ZFR: variants seen among roughly 807,000 people sequenced by gnomAD.
ZFR encodes the protein zinc finger RNA-binding protein.
In ZFR, 19 loss-of-function variants were observed where a neutral mutation model predicts 130.7. The ratio of observed to expected loss-of-function variants is 0.15; its 90% CI spans 0.10 to 0.21. The LOEUF (loss-of-function observed/expected upper bound fraction) is 0.21, where lower values mean the gene tolerates loss of function less well. ZFR is among the 10% of genes least tolerant of loss of function. The pLI is 1.00. For synonymous variants in ZFR, 466 were observed against 456.9 expected (o/e 1.02, Z -0.25); for missense variants, 872 against 1,321.5 (o/e 0.66, Z 5.27).
At chr5:32,391,280 G>A (rs574641687) in intron 11 of ZFR, among the ~76,000 whole-genome samples, 3 of 152,274 alleles carry the variant, frequency 2.0e-5, no homozygotes, top group Admixed American at 6.5e-5. Flanking sequence ...CATATACAGG[G>A]TTTGGTACAA....
intron 19 of ZFR, among the ~76,000 whole-genome samples, chr5:32,360,737 T>A (rs567866806): frequency 6.6e-6 from 1 of 152,358 alleles, no homozygotes; most frequent in Non-Finnish European, 1.5e-5. Flanking sequence ...TTTAACTTAC[T>A]GAGGAGCTGC....
At chr5:32,406,657 A>G (rs958316478) in intron 6 of ZFR, 117 bp downstream of exon 6, 14 of 1,349,310 alleles carry the variant, frequency 1.0e-5, no homozygotes, top group Non-Finnish European at 1.3e-5. Flanking sequence ...TAAAAAATGC[A>G]CTGGCTAAAA....
intron 7 of ZFR, 146 bp downstream of exon 7, chr5:32,403,760 A>T (rs746624467): frequency 8.9e-5 from 60 of 673,834 alleles, no homozygotes; most frequent in Non-Finnish European, 1.4e-4. Flanking sequence ...ATTTGATGTC[A>T]CCTTTATGTA....
intron 3 of ZFR, among the ~76,000 whole-genome samples, chr5:32,418,340 C>A (rs1035866696): frequency 6.6e-6 from 1 of 150,664 alleles, no homozygotes; most frequent in Non-Finnish European, 1.5e-5. Context: ...ATCACCAAAA[C>A]ATTTCTAAAT....
At chr5:32,378,327 G>A (rs1752868648) in intron 17 of ZFR, among the ~76,000 whole-genome samples, 1 of 152,094 alleles carries the variant, frequency 6.6e-6, no homozygotes, top group South Asian at 2.1e-4. Flanking sequence ...CCTTTTCAAA[G>A]AACTCTAAGA....
intron 3 of ZFR, 94 bp downstream of exon 3, chr5:32,419,727 C>G: frequency 6.7e-7 from 1 of 1,482,674 alleles, no homozygotes; most frequent in Non-Finnish European, 8.9e-7. Flanking sequence ...TTTGGAAGCC[C>G]CAAGTTTGAG....
chr5:32,403,197 C>T lies in ZFR; in HGVS notation c.1425G>A (p.Ser475=), dbSNP rs200869684. ...TAGTGTTAGATGTGCTATTAAGAGA[C>T]GAGTTTCCTGTAGTCGTAAGACCCT... The part of the protein sequence containing the change: ...SMKGLTTTGN[S]SLNSTSNTKV... Residue 475 remains serine (S), a synonymous_variant, in exon 8 of 20, where the codon TCG becomes TCA. Transcript: ENST00000265069. 18 of 1,614,028 alleles carry T rather than the reference C, an allele frequency of 1.1e-5. No individual in the cohort carries two copies. The highest frequency in any genetic ancestry group is 6.7e-5 in the East Asian group (3 of 44,886).
intron 5 of ZFR, among the ~76,000 whole-genome samples, chr5:32,414,274 A>G (rs919600884): frequency 1.3e-5 from 2 of 152,234 alleles, no homozygotes; most frequent in African/African-American, 2.4e-5. Flanking sequence ...GAGAAATAAA[A>G]GAGTGTCATT....
intron 15 of ZFR, among the ~76,000 whole-genome samples, chr5:32,383,490 C>A (rs1185638217): frequency 1.3e-5 from 2 of 152,198 alleles, no homozygotes; most frequent in African/African-American, 4.8e-5. Context: ...AACTGTCAAA[C>A]ACAGTATCAT....
At position 32,385,469 on chromosome 5, in the gene ZFR, A is replaced by C. The variant is rs1753023909; in HGVS notation, c.2641+39T>G. 6.9e-6 allele frequency: 11 copies of C among 1,602,842 alleles called. No homozygotes were observed. In the South Asian group the frequency reaches 1.2e-4, roughly 18 times the overall value. On this transcript the variant is annotated intron_variant, in intron 15 of 19. Transcript: ENST00000265069. ...CTTAAAGAGTAGATAAATGAAAAAA[A>C]AAGTTAATAGAAAGTAGAAAGTTTA...
At chr5:32,436,137 A>ATTT (rs1554075093) in intron 2 of ZFR, among the ~76,000 whole-genome samples, 1 of 68,486 alleles carries the variant, frequency 1.5e-5, no homozygotes, top group Non-Finnish European at 2.7e-5. Flanking sequence ...CCACAGTTGT[A>ATTT]TTCTTTTTTT....
chr5:32,379,367 A>G, intron 16 of ZFR, 157 bp from the exon 17 acceptor site: 1 of 697,704 alleles, frequency 1.4e-6, no homozygotes, highest in East Asian at 2.8e-5. Context: ...CATTTACAGC[A>G]GTATTTTATG....
chr5:32,433,322 A>G (rs978025764), intron 2 of ZFR, among the ~76,000 whole-genome samples: 3 of 152,214 alleles, frequency 2.0e-5, no homozygotes, highest in Admixed American at 1.3e-4. Flanking sequence ...AATTACAGTA[A>G]TTAAAAAATT....
chr5:32,368,842 A>G (rs1333816258), intron 17 of ZFR, among the ~76,000 whole-genome samples: 10 of 152,340 alleles, frequency 6.6e-5, no homozygotes, highest in African/African-American at 2.2e-4. Flanking sequence ...TATCATTCCC[A>G]TTTTACAAAT....
chr5:32,423,150 T>C lies in ZFR; in HGVS notation c.138-3047A>G, dbSNP rs541750931. Reference sequence around the variant, plus strand: ...GAGTTTGAGACCAGACTTGGCAACATAGTGAGACTCCATCACTACAAAAAA... The same window carrying C: ...GAGTTTGAGACCAGACTTGGCAACACAGTGAGACTCCATCACTACAAAAAA... On this transcript the variant is annotated intron_variant, in intron 2 of 19. Transcript: ENST00000265069. Among the ~76,000 whole-genome samples, 8 of 152,078 alleles carry C rather than the reference T, an allele frequency of 5.3e-5. 1 individual carries two copies. The South Asian group carries it at 1.2e-3, about 24-fold the overall frequency.
Position 32,371,367 on chromosome 5 carries a change from C to T in ZFR, c.2836-7092G>A, listed in dbSNP as rs150297202. Among the ~76,000 whole-genome samples the T allele has an allele frequency of 9.7e-4, 148 of 152,194 alleles. 1 individual carries two copies. The highest frequency in any genetic ancestry group is 1.2e-3 in the South Asian group (6 of 4,814). On this transcript the variant is annotated intron_variant, in intron 17 of 19. Coordinates refer to ENST00000265069, the MANE Select transcript of ZFR (RefSeq NM_016107.5). ...TTTAGATGACAGAGCAGGACCCTGTCTCAAAAACAAATGATAGAATATACA... is the reference window on the plus strand; with the variant it reads ...TTTAGATGACAGAGCAGGACCCTGTTTCAAAAACAAATGATAGAATATACA...
chr5:32,378,453 C>T (rs1295220381), intron 17 of ZFR, among the ~76,000 whole-genome samples: 2 of 152,090 alleles, frequency 1.3e-5, no homozygotes, highest in African/African-American at 4.8e-5. Flanking sequence ...TATTAACTCT[C>T]ATTAATTAAA....
chr5:32,416,423 C>A (rs1371339918), intron 4 of ZFR, among the ~76,000 whole-genome samples: 1 of 151,964 alleles, frequency 6.6e-6, no homozygotes, highest in Non-Finnish European at 1.5e-5. Context: ...AAGGCCAGCC[C>A]AACCAACATG....
At chr5:32,386,729 G>A (rs1753054427) in intron 14 of ZFR, among the ~76,000 whole-genome samples, 1 of 152,102 alleles carries the variant, frequency 6.6e-6, no homozygotes, top group South Asian at 2.1e-4. Flanking sequence ...AGAGTTGTCA[G>A]TTTTAAGTTT....
Sources: allele counts gnomAD v4.1 joint callset (sites outside exome capture counted in the v4.1 genomes callset), GRCh38; gene constraint gnomAD v4.1.1; transcripts MANE v1.5; gene names NCBI Gene and HGNC (gene_info 2026-07-23, HGNC 2026-07-21).